The following ZNF536 variants were observed in gnomAD, a reference collection of about 807,000 sequenced individuals.
The protein encoded by ZNF536 is zinc finger protein 536.
A neutral mutation model predicts 84.5 loss-of-function variants in ZNF536; 13 were observed. The observed-to-expected ratio is 0.15, with a 90% CI of 0.10 to 0.24. ZNF536 has a LOEUF of 0.24. Among genes scored for constraint, ZNF536 ranks in the 10% least tolerant of loss-of-function variants. The probability of loss-of-function intolerance (pLI) is 1.00; values close to 1 mark genes in which losing one functional copy is unlikely to be tolerated. For missense variants in ZNF536, 1,536 were observed against 1,747.5 expected, an observed-to-expected ratio of 0.88 and a Z score of 2.16; for synonymous variants, 811 against 742.5, an observed-to-expected ratio of 1.09 and a Z score of -1.50.
intron 2 of ZNF536, among the ~76,000 whole-genome samples, chr19:30,503,159 G>GCA (rs34574367): frequency 0.094 from 13,906 of 148,474 alleles, 708 homozygotes; most frequent in South Asian, 0.18. Flanking sequence ...ATGTGTGTAT[G>GCA]CACACACACA....
chr19:30,669,726 C>A (rs1568655477), intron 1 of ZNF536, among the ~76,000 whole-genome samples: 1 of 152,248 alleles, frequency 6.6e-6, no homozygotes, highest in South Asian at 2.1e-4. Flanking sequence ...GACAAACACC[C>A]AATTTTGCTG....
At chr19:30,672,116 CA>C (rs2050580961) in intron 1 of ZNF536, among the ~76,000 whole-genome samples, 1 of 152,232 alleles carries the variant, frequency 6.6e-6, no homozygotes, top group Non-Finnish European at 1.5e-5. Context: ...TTATTCAAAA[CA>C]AGATAGATTA....
rs1227870030 is a variant in ZNF536 at position 30,662,967 on chromosome 19, T to C, written c.170-47790T>C. 6.8e-5 allele frequency among the ~76,000 whole-genome samples: 10 copies of C among 147,598 alleles called. No individual in the cohort carries two copies. In the South Asian group the frequency reaches 8.6e-4, roughly 13 times the overall value. ...TTTCTTTTTCTTTTTCGTTTCTTTT[T>C]TTTTTTTTTTTTTTTTTTTAAGAAA... On this transcript the variant is annotated intron_variant, in intron 1 of 1. Transcript: ENST00000592773.
rs1258298418 is a variant in ZNF536 at position 30,534,958 on chromosome 19, G to A, written c.2282G>A (p.Arg761Gln). The change falls in exon 3 of 5, where the codon CGG becomes CAG. Residue 761 changes from arginine to glutamine, a missense_variant. Arg to Gln is a conservative substitution (Grantham distance 43, BLOSUM62 1). Transcript: ENST00000355537. ...TGCCCGTACTGTGGGAAAACTTTCCGGACATCCCATCACCTTAAGGTGCAC... is the reference window on the plus strand; with the variant it reads ...TGCCCGTACTGTGGGAAAACTTTCCAGACATCCCATCACCTTAAGGTGCAC... Reference protein sequence around the residue: ...KDCPYCGKTFRTSHHLKVHLR... With the variant: ...KDCPYCGKTFQTSHHLKVHLR... 5.0e-6 allele frequency: 8 copies of A among 1,613,634 alleles called. No individual in the cohort carries two copies. The highest frequency in any genetic ancestry group is 6.8e-6 in the Non-Finnish European group (8 of 1,179,788).
At chr19:30,685,817 C>T (rs2051156643) in intron 1 of ZNF536, among the ~76,000 whole-genome samples, 2 of 152,234 alleles carry the variant, frequency 1.3e-5, no homozygotes, top group East Asian at 1.9e-4. Context: ...ACCTGCCCCA[C>T]GGTCCTGCCA....
At chr19:30,621,804 G>A (rs1380426344) in intron 1 of ZNF536, among the ~76,000 whole-genome samples, 3 of 152,214 alleles carry the variant, frequency 2.0e-5, no homozygotes, top group Admixed American at 2.0e-4. Context: ...TTAGAGGCCG[G>A]GAACCTCACA....
intron 1 of ZNF536, among the ~76,000 whole-genome samples, chr19:30,601,477 G>C (rs1449353493): frequency 6.6e-6 from 1 of 152,154 alleles, no homozygotes; most frequent in Non-Finnish European, 1.5e-5. Flanking sequence ...TCTGGGCTAC[G>C]CTAGGAGGGC....
At chr19:30,587,528 T>C (rs1175276418) in intron 1 of ZNF536, among the ~76,000 whole-genome samples, 1 of 152,142 alleles carries the variant, frequency 6.6e-6, no homozygotes, top group Non-Finnish European at 1.5e-5. Context: ...CTAGCAGACA[T>C]GGCAGGATCC....
At chr19:30,605,074 A>G (rs1182727543) in intron 1 of ZNF536, among the ~76,000 whole-genome samples, 2 of 152,224 alleles carry the variant, frequency 1.3e-5, no homozygotes, top group Non-Finnish European at 2.9e-5. Flanking sequence ...CCCATTTTAC[A>G]GATGGGAAAA....
chr19:30,236,535 G>GT lies in ZNF536; in HGVS notation c.-190+7862_-190+7863insT, dbSNP rs910383704. Among the ~76,000 whole-genome samples the GT allele has an allele frequency of 2.2e-4, 34 of 151,602 alleles. 1 individual carries two copies. The highest frequency in any genetic ancestry group is 8.0e-4 in the African/African-American group (33 of 41,112). ...GCTTTTGTTAAAGTTGGGGCGGGGG[G>GT]GGGGTACAATTGGAATTTTAGTTCC... On this transcript the variant is annotated intron_variant, in intron 1 of 5. Coordinates refer to the ZNF536 transcript ENST00000585628.
At chr19:30,259,295 A>G (rs1404942930) in intron 1 of ZNF536, among the ~76,000 whole-genome samples, 1 of 152,186 alleles carries the variant, frequency 6.6e-6, no homozygotes, top group African/African-American at 2.4e-5. Context: ...GATGATCAAA[A>G]ATTTCACACT....
At chr19:30,469,375 G>T (rs2053542059) in intron 2 of ZNF536, among the ~76,000 whole-genome samples, 1 of 152,096 alleles carries the variant, frequency 6.6e-6, no homozygotes. Context: ...TCGTGCCACT[G>T]CACTCCAGCC....
chr19:30,503,469 T>C (rs1286662424), intron 2 of ZNF536, among the ~76,000 whole-genome samples: 6 of 152,224 alleles, frequency 3.9e-5, no homozygotes, highest in South Asian at 2.1e-4. Flanking sequence ...AAAATGCCCA[T>C]GACATATTGT....
intron 3 of ZNF536, among the ~76,000 whole-genome samples, chr19:30,540,389 C>G (rs1436218592): frequency 1.3e-5 from 2 of 152,178 alleles, no homozygotes; most frequent in Non-Finnish European, 2.9e-5. Flanking sequence ...ACTACAAAGC[C>G]TGACAGCAAC....
At chr19:30,679,412 G>A (rs2050880419) in intron 1 of ZNF536, among the ~76,000 whole-genome samples, 1 of 152,204 alleles carries the variant, frequency 6.6e-6, no homozygotes, top group Non-Finnish European at 1.5e-5. Flanking sequence ...CAAGGTGGCT[G>A]GGGGTGGCGC....
intron 2 of ZNF536, among the ~76,000 whole-genome samples, chr19:30,453,374 T>C (rs1235640855): frequency 6.6e-6 from 1 of 152,226 alleles, no homozygotes; most frequent in African/African-American, 2.4e-5. Context: ...GAGCCAGGTC[T>C]GGTTTAGGTT....
chr19:30,686,504 C>T (rs570001779), intron 1 of ZNF536, among the ~76,000 whole-genome samples: 2 of 152,338 alleles, frequency 1.3e-5, no homozygotes, highest in South Asian at 4.1e-4. Flanking sequence ...ACACAGGGCG[C>T]GGTGGCCTCC....
chr19:30,533,695 C>A (rs1347626595), intron 2 of ZNF536, among the ~76,000 whole-genome samples: 1 of 152,166 alleles, frequency 6.6e-6, no homozygotes, highest in Non-Finnish European at 1.5e-5. Flanking sequence ...TCTGCAGAAC[C>A]CGCAGATCTC....
At chr19:30,534,590 A>G (rs1451908154) in intron 2 of ZNF536, among the ~76,000 whole-genome samples, 1 of 152,258 alleles carries the variant, frequency 6.6e-6, no homozygotes, top group Admixed American at 6.5e-5. Flanking sequence ...AGCTGCTGAC[A>G]CAGCTGTTTC....
Sources: allele counts gnomAD v4.1 joint callset (sites outside exome capture counted in the v4.1 genomes callset), GRCh38; gene constraint gnomAD v4.1.1; transcripts MANE v1.5; gene names NCBI Gene and HGNC (gene_info 2026-07-23, HGNC 2026-07-21).